FAT2: variants seen among roughly 807,000 people sequenced by gnomAD.
FAT2 encodes the protein protocadherin Fat 2.
Under a neutral mutation model 295.3 loss-of-function variants are expected in FAT2, and 150 were observed. The ratio of observed to expected loss-of-function variants is 0.51; its 90% confidence interval spans 0.44 to 0.58. FAT2 has a LOEUF of 0.58. Ranked by LOEUF, FAT2 falls within the 20% of genes least tolerant of loss-of-function variation. The probability of loss-of-function intolerance (pLI) is 0.00; values close to 1 mark genes in which losing one functional copy is unlikely to be tolerated. For missense variants in FAT2, 4,868 were observed against 5,442.7 expected (o/e 0.89, Z 3.32); for synonymous variants, 2,026 against 2,150.3 (o/e 0.94, Z 1.60).
chr5:151,540,887 T>A, intron 10 of FAT2, 124 bp from the exon 11 acceptor site: 1 of 847,838 alleles, frequency 1.2e-6, no homozygotes, highest in Non-Finnish European at 1.7e-6. Flanking sequence ...TTTCCTTCCT[T>A]AACTAGGAAC....
In FAT2 at chr5:151,544,142, C is replaced by T. The variant is rs777033163; in HGVS notation, c.6985G>A (p.Gly2329Arg). The stretch of plus-strand genomic sequence containing the variant: ...AGTTCTTGAACTGTGGACATCTCCC[C>T]TGTGCTCCCATTGATCTGGAAGAAC... The part of the protein sequence containing the change: ...SKFFQINGST[G>R]EMSTVQELDY... Residue 2329 changes from glycine to arginine, a missense_variant, in exon 10 of 24, where the codon GGG becomes AGG. Gly to Arg is a moderately radical substitution (Grantham distance 125, BLOSUM62 -2). Coordinates refer to ENST00000261800, the MANE Select transcript of FAT2 (RefSeq NM_001447.3). 2 of 1,614,214 alleles carry T rather than the reference C, an allele frequency of 1.2e-6. No individual in the cohort carries two copies. The highest frequency in any genetic ancestry group is 4.5e-5 in the East Asian group (2 of 44,886).
intron 3 of FAT2, among the ~76,000 whole-genome samples, chr5:151,559,217 C>T (rs1038742062): frequency 2.0e-5 from 3 of 152,180 alleles, no homozygotes; most frequent in African/African-American, 7.2e-5. Context: ...CGTGTTCTCG[C>T]CTTGTGCAGT....
In FAT2 at chr5:151,510,099, G is replaced by A. The variant is rs770065957; in HGVS notation, c.11981C>T (p.Pro3994Leu). Residue 3994 changes from proline to leucine, a missense_variant, in exon 22 of 24, where the codon CCC (proline) becomes CTC (leucine). Around this residue, in one of 5 missense-constraint regions of FAT2, gnomAD observed 492 missense variants for 482.6 expected, o/e 1.02. Transcript: ENST00000261800. ...GATGCAAGTTCCACCTTCCAGGCAG[G>A]GTGCAAAAGTACAGTTCTCCCTTCC... ...EQGRENCTFA[P>L]CLEGGTCILS... 1.2e-6 allele frequency: 2 copies of A among 1,614,054 alleles called. No homozygotes were observed. Among genetic ancestry groups the A allele is most frequent in the African/African-American group, 1.3e-5 (1 of 74,922 alleles).
rs1445315257 is a variant in FAT2, at chr5:151,525,785, A to G, written c.10489T>C (p.Tyr3497His). 6.2e-7 allele frequency: 1 copy of G among 1,614,118 alleles called. No homozygotes were observed. Among genetic ancestry groups the G allele is most frequent in the Admixed American group, 1.7e-5 (1 of 60,024 alleles). ...EGLSRRAQEW[Y>H]QLQIQASDSG... ...GCTCTCACCTGGATCTGAAGCTGAT[A>G]CCATTCCTGAGCCCTCCTGCTTAGG... Residue 3497 changes from tyrosine to histidine, a missense_variant, in exon 18 of 24, where the codon TAT (tyrosine) becomes CAT (histidine). Transcript: ENST00000261800.
chr5:151,512,220 G>T lies in FAT2; in HGVS notation c.11850C>A (p.Tyr3950Ter), dbSNP rs753213404. 6.2e-7 allele frequency: 1 copy of T among 1,614,224 alleles called. No individual in the cohort carries two copies. Among genetic ancestry groups the T allele is most frequent in the Non-Finnish European group, 8.5e-7 (1 of 1,180,044 alleles). ...CATTGAGGCATGTGTTCTGGCTGCA[G>T]TAGTCACTGTGGAGGCAGCACTGGG... is the stretch of plus-strand genomic sequence containing the variant. The part of the protein sequence containing the change: ...ALTQCCLHSD[Y>*]CSQNTCLNGG... The change falls in exon 21 of 24, where the codon TAC becomes TAA. Residue 3950 changes from tyrosine (Y) to a stop codon, truncating the protein, a stop_gained. Transcript: ENST00000261800. LOFTEE classifies it high-confidence loss of function. The surrounding 1 kb of genome is among the most constrained non-coding windows in gnomAD (Gnocchi z 4.1).
chr5:151,593,746 GT>G (rs1460385651), upstream of FAT2, among the ~76,000 whole-genome samples: 2 of 152,134 alleles, frequency 1.3e-5, no homozygotes, highest in Non-Finnish European at 2.9e-5. Flanking sequence ...GCTCACACCT[GT>G]AATCCCAGCA....
chr5:151,524,202 A>G (rs1015466601), intron 18 of FAT2, among the ~76,000 whole-genome samples: 8 of 152,194 alleles, frequency 5.3e-5, no homozygotes, highest in African/African-American at 1.9e-4. Context: ...TTAGATTAGA[A>G]TCTAAAAGTG....
At position 151,507,238 on chromosome 5, in the gene FAT2, G is replaced by C. The variant is rs771858676; in HGVS notation, c.12433C>G (p.Pro4145Ala). The C allele has an allele frequency of 1.7e-5, 27 of 1,614,004 alleles. No individual in the cohort carries two copies. Among genetic ancestry groups the C allele is most frequent in the Non-Finnish European group, 2.3e-5 (27 of 1,179,878 alleles). ...ACCGCAGCTGGCGGGAGTCTGGGGG[G>C]CACACTGCAGACCACTGGCCGTTGC... ...SKQRPVVCSV[P>A]PRLPPAAVPS... The change falls in exon 23 of 24, where the codon CCC becomes GCC. Residue 4145 changes from proline (P) to alanine (A), a missense_variant. Physicochemically the swap from Pro to Ala is conservative, Grantham distance 27. Coordinates refer to ENST00000261800, the MANE Select transcript of FAT2 (RefSeq NM_001447.3).
At position 151,549,302 on chromosome 5, in the gene FAT2, G is replaced by A. The variant is rs1756963957; in HGVS notation, c.4782C>T (p.Leu1594=). The change falls in exon 9 of 24, where the codon CTC becomes CTT. Residue 1594 remains leucine, a synonymous_variant. Transcript: ENST00000261800. ...CATGGCCAGGCCTCTCACCTTTCAG[G>A]AGGGAGTAGTGGACCTCAGCATTGA... ...RGVNAEVHYS[L]LKGNSEGFFN... The A allele has an allele frequency of 6.2e-7, 1 of 1,612,764 alleles. No homozygotes were observed. The highest frequency in any genetic ancestry group is 2.2e-5 in the East Asian group (1 of 44,870).
At chr5:151,572,676 T>C (rs533893036) in intron 1 of FAT2, among the ~76,000 whole-genome samples, 4 of 152,258 alleles carry the variant, frequency 2.6e-5, no homozygotes, top group Non-Finnish European at 5.9e-5. Context: ...CTCAGCACAG[T>C]GCCTGGTATG....
At chr5:151,509,166 G>A (rs1761116421) in intron 22 of FAT2, among the ~76,000 whole-genome samples, 2 of 152,210 alleles carry the variant, frequency 1.3e-5, no homozygotes, top group Non-Finnish European at 2.9e-5. Context: ...TCACTGGGAA[G>A]TTCAGGTCCA....
At position 151,521,280 on chromosome 5, in the gene FAT2, G is replaced by A. The variant is rs751461244; in HGVS notation, c.11313C>T (p.Cys3771=). 8 of 1,604,900 alleles carry A rather than the reference G, an allele frequency of 5.0e-6. No individual in the cohort carries two copies. In the South Asian group the frequency reaches 8.9e-5, roughly 18 times the overall value. Residue 3771 remains cysteine (C), a synonymous_variant, in exon 19 of 24, where the codon TGC becomes TGT. Transcript: ENST00000261800. ...TAGGGAAGATGTAGTACTTACCATT[G>A]CAGGAGCAGCTCCTCTGCAGGTGGT... ...PRHHLQRSCS[C]NGTATRFSGQ...
chr5:151,555,372 T>C (rs1049847346), intron 4 of FAT2, among the ~76,000 whole-genome samples: 10 of 144,752 alleles, frequency 6.9e-5, no homozygotes, highest in African/African-American at 2.4e-4. Flanking sequence ...TATTTCTTTT[T>C]TTTTTTTTTT....
At chr5:151,556,775 C>T (rs570993237) in intron 3 of FAT2, among the ~76,000 whole-genome samples, 185 of 152,154 alleles carry the variant, frequency 1.2e-3, no homozygotes, top group South Asian at 0.012. Flanking sequence ...GTGTTCTGAG[C>T]GCATACGAGG....
chr5:151,567,931 TG>T lies in FAT2; in HGVS notation c.1000del (p.Gln334ArgfsTer49). ...EYLHGFNLSL[Q>X]ARSGSGPYFY... ...ATAAGGGCCGCTCCCACTCCTGGCC[TG>T]GAGGCTGAGGTTGAACCCATGAAGG... On this transcript the variant is annotated frameshift_variant, in exon 2 of 24. Coordinates refer to ENST00000261800, the MANE Select transcript of FAT2 (RefSeq NM_001447.3). LOFTEE classifies it high-confidence loss of function. 1 of 1,614,186 alleles carries T rather than the reference TG, an allele frequency of 6.2e-7. No individual in the cohort carries two copies. The highest frequency in any genetic ancestry group is 1.1e-5 in the South Asian group (1 of 91,086).
At chr5:151,584,239 C>CTGT (rs959701330) in intron 1 of FAT2, among the ~76,000 whole-genome samples, 86 of 152,018 alleles carry the variant, frequency 5.7e-4, no homozygotes, top group African/African-American at 2.0e-3. Context: ...CTGTGGAAAA[C>CTGT]CGACACCTCA....
chr5:151,510,631 C>G (rs75599279), intron 21 of FAT2: 5,278 of 153,618 alleles, frequency 0.034, 296 homozygotes, highest in African/African-American at 0.12. Context: ...GGGTTCAAAC[C>G]TAGACAGCTA....
At position 151,540,545 on chromosome 5, in the gene FAT2, C is replaced by T. The variant is rs575244259; in HGVS notation, c.9039+22G>A. On this transcript the variant is annotated intron_variant, in intron 11 of 23. Coordinates refer to ENST00000261800, the MANE Select transcript of FAT2 (RefSeq NM_001447.3). ...ATCTTCCTTGCCTTCACTACCCACT[C>T]CACCCCTCGCCAGGCTCTCACCTGT... The T allele has an allele frequency of 1.3e-5, 20 of 1,596,540 alleles. No individual in the cohort carries two copies. In the East Asian group the frequency reaches 4.5e-4, roughly 36 times the overall value.
At chr5:151,515,680 C>CA (rs1271772176) in intron 20 of FAT2, among the ~76,000 whole-genome samples, 3 of 152,188 alleles carry the variant, frequency 2.0e-5, no homozygotes, top group African/African-American at 7.2e-5. Flanking sequence ...GCTTTGCCTT[C>CA]AAAATCTTTG....
Sources: gnomAD v4.1 joint callset for allele counts (sites outside exome capture counted in the v4.1 genomes callset) on GRCh38, gnomAD v4.1.1 for gene constraint, gnomAD v4.1.1 regional missense constraint, Gnocchi (gnomAD v3.1) non-coding constraint, MANE v1.5 for transcripts, NCBI Gene and HGNC (gene_info 2026-07-23, HGNC 2026-07-21) for gene names.